The following MYBPC2 variants were observed in gnomAD, a reference collection of about 807,000 sequenced individuals.
MYBPC2 encodes the protein myosin binding protein C2, also known as myosin-binding protein C, fast-type.
Under a neutral mutation model 137.0 loss-of-function variants are expected in MYBPC2, and 122 were observed. That is an observed-to-expected ratio of 0.89 (90% CI 0.77 to 1.03). The LOEUF (loss-of-function observed/expected upper bound fraction) is 1.03. Ranked by LOEUF, MYBPC2 falls within the 50% of genes least tolerant of loss-of-function variation. The pLI is 0.00. For synonymous variants in MYBPC2, 626 were observed against 612.3 expected (o/e 1.02, Z -0.33); for missense variants, 1,500 against 1,534.4 (o/e 0.98, Z 0.37).
In MYBPC2 at chr19:50,459,307, G is replaced by T; in HGVS notation, c.2791+1G>T. 1.3e-6 allele frequency: 2 copies of T among 1,596,924 alleles called. No homozygotes were observed. The highest frequency in any genetic ancestry group is 1.7e-6 in the Non-Finnish European group (2 of 1,171,178). On this transcript the variant is annotated splice_donor_variant, in intron 23 of 27. Transcript: ENST00000357701. LOFTEE classifies it high-confidence loss of function. ...GCCACCATCCGCATCCGCGTTGTGG[G>T]TGCGCGCGCTGGGGAGGGCCCCTGG...
At chr19:50,456,082 G>GTCCGTCCATCCA (rs2039908175) in intron 20 of MYBPC2, among the ~76,000 whole-genome samples, 2 of 127,898 alleles carry the variant, frequency 1.6e-5, no homozygotes, top group Admixed American at 8.0e-5. Flanking sequence ...TCATCTTACC[G>GTCCGTCCATCCA]TCCATCCATC....
At chr19:50,446,348 T>C (rs1365687341) in intron 12 of MYBPC2, among the ~76,000 whole-genome samples, 4 of 151,168 alleles carry the variant, frequency 2.6e-5, no homozygotes, top group African/African-American at 9.7e-5. Context: ...CCATCTCTAC[T>C]AAAAATACAA....
At chr19:50,433,121 C>A (rs3765069) in intron 1 of MYBPC2, 149 bp downstream of exon 1, 8 of 992,012 alleles carry the variant, frequency 8.1e-6, no homozygotes, top group Non-Finnish European at 1.1e-5. Context: ...TGGGGGTTCC[C>A]GCATCAGTTT....
chr19:50,441,569 G>A (rs868306748), intron 8 of MYBPC2, among the ~76,000 whole-genome samples: 9 of 152,194 alleles, frequency 5.9e-5, no homozygotes, highest in African/African-American at 2.2e-4. Flanking sequence ...GCTGGGTGCA[G>A]TGGCTCACGC....
chr19:50,460,255 C>A, intron 24 of MYBPC2, 76 bp downstream of exon 24: 1 of 1,501,734 alleles, frequency 6.7e-7, no homozygotes, highest in Non-Finnish European at 8.9e-7. Flanking sequence ...CCGTTCACAG[C>A]TGGAAGGGCA....
At chr19:50,452,466 GTGTATGTATGTATGTATGTA>G (rs746899570) in intron 16 of MYBPC2, among the ~76,000 whole-genome samples, 28 of 147,214 alleles carry the variant, frequency 1.9e-4, no homozygotes, top group East Asian at 7.9e-4. Flanking sequence ...CTATGTATCT[GTGTATGTATGTATGTATGTA>G]TGTATGTATG....
chr19:50,460,041 A>C lies in MYBPC2; in HGVS notation c.2793A>C (p.Glu931Asp). ...DTATIRIRVV[E>D]KAGPPINVMV... ...CTTGTCACACTTCCCCATTTCCAGA[A>C]AAGGCTGGGCCCCCCATAAACGTGA... is the stretch of plus-strand genomic sequence containing the variant. The change falls in exon 24 of 28, where the codon GAA becomes GAC. Residue 931 changes from glutamate to aspartate, a missense_variant and splice_region_variant. Coordinates refer to ENST00000357701, the MANE Select transcript of MYBPC2 (RefSeq NM_004533.4). 6.4e-7 allele frequency: 1 copy of C among 1,552,156 alleles called. No homozygotes were observed. The highest frequency in any genetic ancestry group is 1.2e-5 in the South Asian group (1 of 84,074).
In MYBPC2 at chr19:50,458,711, G is replaced by T. The variant is rs1281084959; in HGVS notation, c.2463G>T (p.Glu821Asp). 6.2e-7 allele frequency: 1 copy of T among 1,609,866 alleles called. No individual in the cohort carries two copies. The highest frequency in any genetic ancestry group is 1.1e-5 in the South Asian group (1 of 91,080). Residue 821 changes from glutamate to aspartate, a missense_variant, in exon 21 of 28, where the codon GAG (glutamate) becomes GAT (aspartate). Coordinates refer to ENST00000357701, the MANE Select transcript of MYBPC2 (RefSeq NM_004533.4). ...GGGTCAACATCGCGGGGCGCAGCGAGCCGGCCACCCTGGCCCAGCCGGTCA... is the reference window on the plus strand; with the variant it reads ...GGGTCAACATCGCGGGGCGCAGCGATCCGGCCACCCTGGCCCAGCCGGTCA... ...VVGVNIAGRS[E>D]PATLAQPVTI... is the part of the protein sequence containing the mutation.
Position 50,459,270 on chromosome 19 carries a change from A to G in MYBPC2, c.2755A>G (p.Met919Val). The change falls in exon 23 of 28, where the codon ATG becomes GTG. Residue 919 changes from methionine (M) to valine (V), a missense_variant. Physicochemically the swap from Met to Val is conservative, Grantham distance 21 (BLOSUM62 1). Coordinates refer to ENST00000357701, the MANE Select transcript of MYBPC2 (RefSeq NM_004533.4). ...EYELSVQIEN[M>V]KDTATIRIRV... ...CGAGCTGAGCGTGCAGATCGAGAAC[A>G]TGAAGGACACCGCCACCATCCGCAT... is the stretch of plus-strand genomic sequence containing the variant. 1 of 1,609,772 alleles carries G rather than the reference A, an allele frequency of 6.2e-7. No homozygotes were observed. Among genetic ancestry groups the G allele is most frequent in the Non-Finnish European group, 8.5e-7 (1 of 1,178,690 alleles).
intron 12 of MYBPC2, among the ~76,000 whole-genome samples, chr19:50,447,825 C>G (rs1479124324): frequency 6.6e-6 from 1 of 151,846 alleles, no homozygotes. Flanking sequence ...CCATTGCAGT[C>G]CAGCCTGGGC....
At position 50,455,181 on chromosome 19, in the gene MYBPC2, C is replaced by G. The variant is rs764415635; in HGVS notation, c.2088C>G (p.Thr696=). The G allele has an allele frequency of 3.1e-6, 5 of 1,613,876 alleles. No individual in the cohort carries two copies. In the East Asian group the frequency reaches 6.7e-5, roughly 22 times the overall value. ...MKLNFEVFTE[T]TYESTKMIEG... ...TGAACTTTGAGGTCTTCACAGAGAC[C>G]ACCTATGAGTCCACCAAGATGATCG... The change falls in exon 19 of 28, where the codon ACC becomes ACG. Residue 696 remains threonine (T), a synonymous_variant. Coordinates refer to ENST00000357701, the MANE Select transcript of MYBPC2 (RefSeq NM_004533.4).
Position 50,434,662 on chromosome 19 carries a change from A to G in MYBPC2, c.20-499A>G, listed in dbSNP as rs571147930. ...GAGGAACTCACCGCAGGAATCATGCACCGCTGGGCGGACCCCCTCCTGGGA... is the reference window on the plus strand; with the variant it reads ...GAGGAACTCACCGCAGGAATCATGCGCCGCTGGGCGGACCCCCTCCTGGGA... On this transcript the variant is annotated intron_variant, in intron 1 of 27. Coordinates refer to ENST00000357701, the MANE Select transcript of MYBPC2 (RefSeq NM_004533.4). 1.4e-4 allele frequency among the ~76,000 whole-genome samples: 22 copies of G among 152,256 alleles called. No homozygotes were observed. The East Asian group carries it at 4.1e-3, about 28-fold the overall frequency.
At chr19:50,449,605 G>A (rs530952308) in intron 13 of MYBPC2, among the ~76,000 whole-genome samples, 1 of 152,340 alleles carries the variant, frequency 6.6e-6, no homozygotes, top group East Asian at 1.9e-4. Context: ...CAAGGGCATG[G>A]ACACCGGCAG....
In MYBPC2 at chr19:50,460,077, G is replaced by A. The variant is rs375448678; in HGVS notation, c.2829G>A (p.Glu943=). The change falls in exon 24 of 28, where the codon GAG becomes GAA. Residue 943 remains glutamate, a synonymous_variant. Coordinates refer to ENST00000357701, the MANE Select transcript of MYBPC2 (RefSeq NM_004533.4). ...CCCCCATAAACGTGATGGTGAAGGA[G>A]GTGTGGGGCACGAACGCGCTGGTGG... ...AGPPINVMVK[E]VWGTNALVEW... 3.5e-4 allele frequency: 553 copies of A among 1,563,640 alleles called. No individual in the cohort carries two copies. Among genetic ancestry groups the A allele is most frequent in the Non-Finnish European group, 4.5e-4 (523 of 1,154,378 alleles).
intron 20 of MYBPC2, 48 bp downstream of exon 20, chr19:50,455,692 G>T (rs560703647): frequency 6.9e-6 from 11 of 1,602,636 alleles, no homozygotes; most frequent in Admixed American, 1.7e-5. Context: ...AGCACAGGTG[G>T]GTATCCAGTC....
intron 18 of MYBPC2, 51 bp downstream of exon 18, chr19:50,454,420 G>GTTTTTT (rs36109908): frequency 4.6e-5 from 34 of 739,076 alleles, no homozygotes; most frequent in East Asian, 8.1e-5. Flanking sequence ...TCTGCCTTCT[G>GTTTTTT]TTTTTTTTTT....
rs758231305 is a variant in MYBPC2, at chr19:50,443,694, G to A, written c.1028-17G>A. Reference sequence around the variant, plus strand: ...GGGGTCCTGAAACGACTGACCTCCTGTCCCCCTGCCCCACAGAACCTCCAG... The same window carrying A: ...GGGGTCCTGAAACGACTGACCTCCTATCCCCCTGCCCCACAGAACCTCCAG... On this transcript the variant is annotated splice_polypyrimidine_tract_variant and intron_variant, in intron 10 of 27. Transcript: ENST00000357701. The A allele has an allele frequency of 2.5e-6, 4 of 1,612,180 alleles. 1 individual carries two copies. In the South Asian group the frequency reaches 3.3e-5, roughly 13 times the overall value.
chr19:50,438,045 C>A (rs2039719681), intron 7 of MYBPC2, among the ~76,000 whole-genome samples: 1 of 152,124 alleles, frequency 6.6e-6, no homozygotes, highest in Admixed American at 6.5e-5. Context: ...CCTATGCCTC[C>A]ACCTACTCAC....
In MYBPC2 at chr19:50,465,701, C is replaced by T. The variant is rs766812678; in HGVS notation, c.3416-494C>T. Among the ~76,000 whole-genome samples, 11 of 152,122 alleles carry T rather than the reference C, an allele frequency of 7.2e-5. No homozygotes were observed. The highest frequency in any genetic ancestry group is 2.1e-4 in the South Asian group (1 of 4,828). On this transcript the variant is annotated intron_variant, in intron 27 of 27. Transcript: ENST00000357701. The surrounding 1 kb of genome is among the most constrained non-coding windows in gnomAD (Gnocchi z 4.5). ...TACTAAAAATACAAAAAAATTTAGC[C>T]GGGCCTGGTGGCACATGCCTGTTGT...
Sources: allele counts gnomAD v4.1 joint callset (sites outside exome capture counted in the v4.1 genomes callset), GRCh38; gene constraint gnomAD v4.1.1; non-coding constraint Gnocchi (gnomAD v3.1); transcripts MANE v1.5; gene names NCBI Gene and HGNC (gene_info 2026-07-23, HGNC 2026-07-21).